PIEZO2: variants seen among roughly 807,000 people sequenced by gnomAD.
PIEZO2 encodes the protein piezo type mechanosensitive ion channel component 2.
A neutral mutation model predicts 337.3 loss-of-function variants in PIEZO2; 172 were observed. That is an observed-to-expected ratio of 0.51 (90% CI 0.45 to 0.58). The LOEUF is 0.58. Among genes scored for constraint, PIEZO2 ranks in the 20% least tolerant of loss-of-function variants. PIEZO2 has a pLI of 0.00. For synonymous variants in PIEZO2, 1,251 were observed against 1,228.5 expected, an observed-to-expected ratio of 1.02 and a Z score of -0.38; for missense variants, 3,028 against 3,391.3, an observed-to-expected ratio of 0.89 and a Z score of 2.66.
intron 7 of PIEZO2, among the ~76,000 whole-genome samples, chr18:10,817,667 T>C (rs2040401989): frequency 6.6e-6 from 1 of 152,152 alleles, no homozygotes. Flanking sequence ...CTCACGCCTG[T>C]AATCCTAGCA....
At chr18:10,904,406 A>G (rs1001565870) in intron 4 of PIEZO2, among the ~76,000 whole-genome samples, 5 of 152,224 alleles carry the variant, frequency 3.3e-5, no homozygotes, top group African/African-American at 9.7e-5. Flanking sequence ...TGTAAGATGG[A>G]AAAGGTCTAC....
chr18:10,906,314 A>G (rs542862977), intron 4 of PIEZO2, among the ~76,000 whole-genome samples: 89 of 152,372 alleles, frequency 5.8e-4, no homozygotes, highest in Middle Eastern at 3.4e-3. Flanking sequence ...CTGATTACAC[A>G]GAATGACTGA....
At chr18:10,936,275 G>A (rs2032388488) in intron 3 of PIEZO2, among the ~76,000 whole-genome samples, 1 of 152,042 alleles carries the variant, frequency 6.6e-6, no homozygotes. Flanking sequence ...TTGCAATGTC[G>A]CAATTTCTCT....
chr18:10,871,183 A>G (rs2042130410), intron 5 of PIEZO2, 70 bp downstream of exon 5: 1 of 1,406,096 alleles, frequency 7.1e-7, no homozygotes, highest in African/African-American at 1.4e-5. Flanking sequence ...TTATTATCAT[A>G]GTTCTGCAAC....
chr18:10,794,335 T>C lies in PIEZO2; in HGVS notation c.1758+437A>G, dbSNP rs576985119. On this transcript the variant is annotated intron_variant, in intron 13 of 55. Coordinates refer to ENST00000674853, the MANE Select transcript of PIEZO2 (RefSeq NM_001378183.1). This position sits in a 1 kb window ranked among gnomAD's most constrained non-coding sequence, Gnocchi z 6.6. ...CATTTTTGCTGCTAAAAATGTTCTT[T>C]AGGAAAGAATTGGAGAAAAACGTCA... is the stretch of plus-strand genomic sequence containing the variant. 2.0e-5 allele frequency among the ~76,000 whole-genome samples: 3 copies of C among 152,312 alleles called. No homozygotes were observed. The East Asian group carries it at 5.8e-4, about 29-fold the overall frequency.
chr18:10,810,616 A>G (rs2144358556), intron 7 of PIEZO2, among the ~76,000 whole-genome samples: 2 of 152,222 alleles, frequency 1.3e-5, no homozygotes, highest in Middle Eastern at 6.8e-3. Flanking sequence ...CCAGACAAAA[A>G]CCTTGGCTCT....
rs533979609 is a variant in PIEZO2 at position 11,048,624 on chromosome 18, A to T, written c.160+17503T>A. On this transcript the variant is annotated intron_variant, in intron 2 of 55. Transcript: ENST00000674853. This position sits in a 1 kb window ranked among gnomAD's most constrained non-coding sequence, Gnocchi z 4.5. ...GGGAAATGCTTATATAGATAACTGAATTATTTATATTAGAAGCTTTCACTC... is the reference window on the plus strand; with the variant it reads ...GGGAAATGCTTATATAGATAACTGATTTATTTATATTAGAAGCTTTCACTC... 2.0e-5 allele frequency among the ~76,000 whole-genome samples: 3 copies of T among 152,350 alleles called. No individual in the cohort carries two copies. Among genetic ancestry groups the T allele is most frequent in the African/African-American group, 7.2e-5 (3 of 41,584 alleles).
rs61501465 is a variant in PIEZO2, at chr18:10,726,608, GGGACGCCGACGTGCGCT to G, written c.5029+4782_5029+4798del. The G allele has an allele frequency of 0.29, 396,331 of 1,386,674 alleles. 64,326 individuals carry two copies. Among genetic ancestry groups the G allele is most frequent in the East Asian group, 0.65 (26,360 of 40,252 alleles). The allele number at this position is 1,386,674 out of a possible 1,614,324, so 85.9% of individuals were successfully genotyped here. A position where few individuals can be genotyped will look rare whatever the true frequency, so the allele number is the denominator to read the frequency against. The stretch of plus-strand genomic sequence containing the variant: ...TTCCAGGACCTGGCGCGCTACGTGC[GGGACGCCGACGTGCGCT>G]GGGAGTACTGCGCGCGCGCCAAGCG... On this transcript the variant is annotated intron_variant, in intron 36 of 55. Transcript: ENST00000674853. The surrounding 1 kb of genome is among the most constrained non-coding windows in gnomAD (Gnocchi z 5.9).
chr18:11,053,328 A>G (rs1411497295), intron 2 of PIEZO2, among the ~76,000 whole-genome samples: 1 of 152,224 alleles, frequency 6.6e-6, no homozygotes, highest in African/African-American at 2.4e-5. Flanking sequence ...ATATTTAGAA[A>G]GCACTAGTAA....
At position 10,766,230 on chromosome 18, in the gene PIEZO2, C is replaced by G. The variant is rs2865127; in HGVS notation, c.2947-3132G>C. ...GGAAAGAAGAAGAAAGAAGGAGGAA[C>G]AGGAGGAGGAGGAGGGATAAGGAAG... On this transcript the variant is annotated intron_variant, in intron 21 of 55. Transcript: ENST00000674853. The surrounding 1 kb of genome is among the most constrained non-coding windows in gnomAD (Gnocchi z 6.1). Among the ~76,000 whole-genome samples, 121,082 of 149,906 alleles carry G rather than the reference C, an allele frequency of 0.81. 48,959 individuals carry two copies. The highest frequency in any genetic ancestry group is 0.91 in the East Asian group (4,558 of 5,002).
In PIEZO2 at chr18:10,862,790, T is replaced by C. The variant is rs1302030774; in HGVS notation, c.493-5579A>G. On this transcript the variant is annotated intron_variant, in intron 5 of 55. Transcript: ENST00000674853. The surrounding 1 kb of genome is among the most constrained non-coding windows in gnomAD (Gnocchi z 4.4). Reference sequence around the variant, plus strand: ...AGCAGCCCCTCCAGAATTCAGGCCCTGGCCGACATTGGCAACCACTGATCA... The same window carrying C: ...AGCAGCCCCTCCAGAATTCAGGCCCCGGCCGACATTGGCAACCACTGATCA... Among the ~76,000 whole-genome samples the C allele has an allele frequency of 6.6e-6, 1 of 152,234 alleles. No individual in the cohort carries two copies. Among genetic ancestry groups the C allele is most frequent in the Non-Finnish European group, 1.5e-5 (1 of 68,034 alleles).
chr18:11,076,289 T>C (rs1053458246), intron 1 of PIEZO2, among the ~76,000 whole-genome samples: 1 of 152,176 alleles, frequency 6.6e-6, no homozygotes, highest in Non-Finnish European at 1.5e-5. Context: ...AATAAATTAT[T>C]TAAAACAATG....
rs919842244 is a variant in PIEZO2, at chr18:10,973,367, G to T, written c.286+6168C>A. 6.6e-6 allele frequency among the ~76,000 whole-genome samples: 1 copy of T among 152,210 alleles called. No individual in the cohort carries two copies. The highest frequency in any genetic ancestry group is 1.5e-5 in the Non-Finnish European group (1 of 68,038). On this transcript the variant is annotated intron_variant, in intron 3 of 55. Coordinates refer to ENST00000674853, the MANE Select transcript of PIEZO2 (RefSeq NM_001378183.1). The surrounding 1 kb of genome is among the most constrained non-coding windows in gnomAD (Gnocchi z 4.9). ...GCAATGCTTCCATCCAGAATCTACT[G>T]ATCATAAATGTGTCTTTGCTCACTA... is the stretch of plus-strand genomic sequence containing the variant.
At chr18:10,684,108 CTTTCTT>C (rs1458677718) in intron 49 of PIEZO2, among the ~76,000 whole-genome samples, 6 of 123,416 alleles carry the variant, frequency 4.9e-5, no homozygotes, top group Admixed American at 8.8e-5. Context: ...TTCTCTCTCT[CTTTCTT>C]TCTTTCTTTC....
chr18:10,838,860 G>C (rs777053203), intron 7 of PIEZO2, among the ~76,000 whole-genome samples: 12 of 152,176 alleles, frequency 7.9e-5, no homozygotes, highest in Non-Finnish European at 1.6e-4. Context: ...GCAAGACGTA[G>C]CTCAACACGT....
chr18:10,691,062 T>C (rs1363855466), intron 48 of PIEZO2, among the ~76,000 whole-genome samples, 163 bp downstream of exon 48: 1 of 152,148 alleles, frequency 6.6e-6, no homozygotes, highest in African/African-American at 2.4e-5. Context: ...TAGAAAGGTG[T>C]TTAAAGAGGC....
At position 11,148,638 on chromosome 18, in the gene PIEZO2, A is replaced by G; in HGVS notation, c.-50T>C. On this transcript the variant is annotated 5_prime_UTR_variant, in exon 1 of 56. An upstream open reading frame in the 5' UTR loses its in-frame stop. Transcript: ENST00000674853. This position sits in a 1 kb window ranked among gnomAD's most constrained non-coding sequence, Gnocchi z 5.2. ...AGAGGGGCGAGGCTCGAGGGTCCCT[A>G]GGGGTGGTGGGACGCAAGGCCCATG... 6.5e-7 allele frequency: 1 copy of G among 1,529,840 alleles called. No individual in the cohort carries two copies. Among genetic ancestry groups the G allele is most frequent in the Non-Finnish European group, 8.8e-7 (1 of 1,140,960 alleles). The allele number at this position is 1,529,840 out of a possible 1,614,324, so 94.8% of individuals were successfully genotyped here.
chr18:10,703,127 T>G (rs998340605), intron 42 of PIEZO2, among the ~76,000 whole-genome samples: 4 of 152,234 alleles, frequency 2.6e-5, no homozygotes, highest in African/African-American at 9.6e-5. Flanking sequence ...GTGCTGGGAC[T>G]ATAGCCAGAA....
At chr18:11,064,963 T>A (rs1471912780) in intron 2 of PIEZO2, among the ~76,000 whole-genome samples, 2 of 152,226 alleles carry the variant, frequency 1.3e-5, no homozygotes, top group Non-Finnish European at 2.9e-5. Flanking sequence ...GGGTGGGGTC[T>A]CATTAACAAT....
Sources: allele counts gnomAD v4.1 joint callset (sites outside exome capture counted in the v4.1 genomes callset), GRCh38; gene constraint gnomAD v4.1.1; non-coding constraint Gnocchi (gnomAD v3.1); transcripts MANE v1.5; gene names NCBI Gene and HGNC (gene_info 2026-07-23, HGNC 2026-07-21).